The following SHISA9 variants were observed in gnomAD, a reference collection of about 807,000 sequenced individuals.
SHISA9 encodes the protein shisa family member 9, also known as protein shisa-9.
SHISA9 carries 13 observed loss-of-function variants against 38.0 expected under a neutral mutation model. The ratio of observed to expected loss-of-function variants is 0.34; its 90% CI spans 0.22 to 0.54. SHISA9 has a LOEUF of 0.54. Among genes scored for constraint, SHISA9 ranks in the 20% least tolerant of loss-of-function variants. The pLI is 0.91. For missense variants in SHISA9, 538 were observed against 575.8 expected, an observed-to-expected ratio of 0.93 and a Z score of 0.67; for synonymous variants, 275 against 242.0, an observed-to-expected ratio of 1.14 and a Z score of -1.27.
intron 2 of SHISA9, among the ~76,000 whole-genome samples, chr16:13,197,910 C>T (rs767578711): frequency 1.3e-5 from 2 of 152,108 alleles, no homozygotes; most frequent in African/African-American, 4.8e-5. Context: ...GCGGGCCGGG[C>T]GAGGTGGCTC....
chr16:13,108,312 T>G (rs1173367781), intron 2 of SHISA9, among the ~76,000 whole-genome samples: 1 of 152,024 alleles, frequency 6.6e-6, no homozygotes. Flanking sequence ...TGTTTTTTTG[T>G]AGAGATAGGA....
chr16:13,061,709 A>G (rs575363966), intron 2 of SHISA9, among the ~76,000 whole-genome samples: 1 of 152,316 alleles, frequency 6.6e-6, no homozygotes, highest in South Asian at 2.1e-4. Context: ...ACCCCAACCC[A>G]TTAACCAGCT....
At chr16:12,919,123 A>G (rs911793479) in intron 2 of SHISA9, among the ~76,000 whole-genome samples, 13 of 152,216 alleles carry the variant, frequency 8.5e-5, no homozygotes, top group African/African-American at 2.7e-4. Context: ...GATAACTGAT[A>G]TTAATCAGTT....
chr16:12,958,618 T>C (rs2071867332), intron 2 of SHISA9, among the ~76,000 whole-genome samples: 1 of 152,250 alleles, frequency 6.6e-6, no homozygotes. Context: ...CTGGCAAGAC[T>C]GGTGCTTATG....
chr16:13,065,951 C>T (rs181904989), intron 2 of SHISA9, among the ~76,000 whole-genome samples: 7 of 152,318 alleles, frequency 4.6e-5, no homozygotes, highest in African/African-American at 1.7e-4. Flanking sequence ...ATCCTAGTCA[C>T]CTGGCCCAGT....
intron 2 of SHISA9, among the ~76,000 whole-genome samples, chr16:13,129,647 T>A (rs2050290457): frequency 6.6e-6 from 1 of 152,192 alleles, no homozygotes; most frequent in South Asian, 2.1e-4. Context: ...GGGCTGTGTT[T>A]ATGCTCCCTG....
At chr16:13,265,634 TCTCTC>T in the SHISA9 span, among the ~76,000 whole-genome samples, 206 of 146,682 alleles carry the variant, frequency 1.4e-3, no homozygotes, top group Admixed American at 4.0e-3. Flanking sequence ...CCTCTTCTCT[TCTCTC>T]CTCTCCTCTC....
In SHISA9 at chr16:12,902,389, ACGTTT is replaced by A; in HGVS notation, c.326_330del (p.Thr109LysfsTer93). 6.4e-7 allele frequency: 1 copy of A among 1,551,236 alleles called. No individual in the cohort carries two copies. The highest frequency in any genetic ancestry group is 8.7e-7 in the Non-Finnish European group (1 of 1,146,962). On this transcript the variant is annotated frameshift_variant, in exon 1 of 5. Transcript: ENST00000558583. LOFTEE classifies it high-confidence loss of function. ...GACTTGTGGCTTCCGGTTCTGCTGC[ACGTTT>A]AAGAAGCGGCGACTGAACCAAAGCA...
the SHISA9 span, among the ~76,000 whole-genome samples, chr16:13,423,009 C>A: frequency 6.6e-6 from 1 of 152,208 alleles, no homozygotes; most frequent in African/African-American, 2.4e-5. Flanking sequence ...CTAATTTTAC[C>A]ACTAATCAGG....
chr16:13,378,693 C>T, the SHISA9 span, among the ~76,000 whole-genome samples: 1 of 152,168 alleles, frequency 6.6e-6, no homozygotes, highest in Non-Finnish European at 1.5e-5. Context: ...AGGGTTTGGG[C>T]TATTTAATGT....
chr16:13,102,663 A>G (rs1377770116), intron 2 of SHISA9, among the ~76,000 whole-genome samples: 5 of 151,014 alleles, frequency 3.3e-5, no homozygotes, highest in Admixed American at 2.0e-4. Flanking sequence ...CTCCCTCTAG[A>G]CTCCCCTCTC....
the SHISA9 span, among the ~76,000 whole-genome samples, chr16:13,343,225 C>T: frequency 6.6e-6 from 1 of 152,272 alleles, no homozygotes; most frequent in East Asian, 1.9e-4. Flanking sequence ...GAAATCTTTG[C>T]ACCAAATCTG....
chr16:13,190,116 C>T (rs2050868971), intron 2 of SHISA9, among the ~76,000 whole-genome samples: 1 of 149,864 alleles, frequency 6.7e-6, no homozygotes, highest in South Asian at 2.1e-4. Context: ...TTTTAGGGTA[C>T]ATGTGCACGT....
intron 2 of SHISA9, among the ~76,000 whole-genome samples, chr16:12,999,710 T>C (rs1247398054): frequency 2.0e-5 from 3 of 152,190 alleles, no homozygotes; most frequent in Admixed American, 1.3e-4. Flanking sequence ...GGTGAGTTTA[T>C]GGTGATGCCC....
intron 2 of SHISA9, among the ~76,000 whole-genome samples, chr16:13,097,473 A>C (rs914085947): frequency 6.6e-6 from 1 of 151,898 alleles, no homozygotes; most frequent in Non-Finnish European, 1.5e-5. Context: ...CTGGAGTACA[A>C]TGATGCTATC....
chr16:13,485,867 G>A, the SHISA9 span, among the ~76,000 whole-genome samples: 1 of 152,158 alleles, frequency 6.6e-6, no homozygotes, highest in African/African-American at 2.4e-5. Context: ...TTAAGCTCCA[G>A]TATATGAGTG....
the SHISA9 span, among the ~76,000 whole-genome samples, chr16:13,465,236 C>T: frequency 6.6e-6 from 1 of 152,184 alleles, no homozygotes; most frequent in Non-Finnish European, 1.5e-5. Context: ...ACTCTGGCAA[C>T]CAAAAATGCC....
the SHISA9 span, among the ~76,000 whole-genome samples, chr16:13,271,991 G>C: frequency 1.3e-5 from 2 of 151,644 alleles, no homozygotes; most frequent in Non-Finnish European, 2.9e-5. Flanking sequence ...AGGCAGGAGA[G>C]TCACTTAAAC....
chr16:13,028,873 C>A (rs2141874889), intron 2 of SHISA9, among the ~76,000 whole-genome samples: 1 of 152,140 alleles, frequency 6.6e-6, no homozygotes, highest in African/African-American at 2.4e-5. Context: ...TGTTCTGGAG[C>A]CAGCTGGGGG....
Sources: gnomAD v4.1 joint callset for allele counts (sites outside exome capture counted in the v4.1 genomes callset) on GRCh38, gnomAD v4.1.1 for gene constraint, MANE v1.5 for transcripts, NCBI Gene and HGNC (gene_info 2026-07-23, HGNC 2026-07-21) for gene names.